The following PLEKHH1 variants were observed in gnomAD, a reference collection of about 807,000 sequenced individuals.
PLEKHH1 encodes pleckstrin homology domain-containing family H member 1.
A neutral mutation model predicts 160.0 loss-of-function variants in PLEKHH1; 104 were observed. That is an observed-to-expected ratio of 0.65 (90% CI 0.55 to 0.76). The LOEUF (loss-of-function observed/expected upper bound fraction) is 0.76. Ranked by LOEUF, PLEKHH1 falls within the 30% of genes least tolerant of loss-of-function variation. The pLI is 0.00. For missense variants in PLEKHH1, 1,427 were observed against 1,724.1 expected (o/e 0.83, Z 3.05); for synonymous variants, 619 against 678.4 (o/e 0.91, Z 1.36).
At chr14:67,565,487 C>G (rs1228009621) in intron 7 of PLEKHH1, among the ~76,000 whole-genome samples, 1 of 152,100 alleles carries the variant, frequency 6.6e-6, no homozygotes, top group Non-Finnish European at 1.5e-5. Context: ...TCAAGTGATC[C>G]TCCTTTGTCA....
At chr14:67,572,353 T>G in intron 11 of PLEKHH1, 76 bp downstream of exon 11, 1 of 1,330,888 alleles carries the variant, frequency 7.5e-7, no homozygotes, top group Non-Finnish European at 1.0e-6. Context: ...GCACAAGACA[T>G]AGGCAGTAGC....
chr14:67,540,500 G>A (rs992299984), intron 1 of PLEKHH1, among the ~76,000 whole-genome samples: 3 of 151,712 alleles, frequency 2.0e-5, no homozygotes, highest in South Asian at 2.1e-4. Context: ...GATGGTGCAC[G>A]CCTGTAATCC....
rs772122160 is a variant in PLEKHH1 at position 67,587,079 on chromosome 14, A to G, written c.3939A>G (p.Ala1313=). ...LIFRMAAPKI[A]EATFIMASYM... Reference sequence around the variant, plus strand: ...CATCTCTGACCTCCTCTTAGATTGCAGAAGCTACCTTCATCATGGCCAGCT... The same window carrying G: ...CATCTCTGACCTCCTCTTAGATTGCGGAAGCTACCTTCATCATGGCCAGCT... The change falls in exon 29 of 29, where the codon GCA becomes GCG. Residue 1313 remains alanine, a synonymous_variant. Coordinates refer to ENST00000329153, the MANE Select transcript of PLEKHH1 (RefSeq NM_020715.3). The G allele has an allele frequency of 2.1e-5, 34 of 1,602,608 alleles. No individual in the cohort carries two copies. The South Asian group carries it at 3.5e-4, about 16-fold the overall frequency.
At chr14:67,567,462 T>TG (rs1322590823) in intron 7 of PLEKHH1, among the ~76,000 whole-genome samples, 1 of 152,216 alleles carries the variant, frequency 6.6e-6, no homozygotes, top group African/African-American at 2.4e-5. Context: ...GGCTTGTCCT[T>TG]GGTTAAATTC....
intron 4 of PLEKHH1, among the ~76,000 whole-genome samples, chr14:67,557,638 AG>A (rs1313708724): frequency 2.6e-5 from 4 of 152,236 alleles, no homozygotes; most frequent in African/African-American, 9.6e-5. Flanking sequence ...AGGAGCTTGG[AG>A]GCAGACTGAT....
chr14:67,586,703 A>C, intron 28 of PLEKHH1: 1 of 748,334 alleles, frequency 1.3e-6, no homozygotes, highest in Non-Finnish European at 1.9e-6. Flanking sequence ...CTCCTTTTTA[A>C]TCCTAAAGTT....
chr14:67,574,032 C>T lies in PLEKHH1; in HGVS notation c.1926+145C>T. 1 of 712,732 alleles carries T rather than the reference C, an allele frequency of 1.4e-6. No individual in the cohort carries two copies. Among genetic ancestry groups the T allele is most frequent in the African/African-American group, 1.8e-5 (1 of 56,242 alleles). The allele number at this position is 712,732 out of a possible 1,614,324, so 44.2% of individuals were successfully genotyped here. A position where few individuals can be genotyped will look rare whatever the true frequency, so the allele number is the denominator to read the frequency against. On this transcript the variant is annotated intron_variant, in intron 13 of 28. Coordinates refer to ENST00000329153, the MANE Select transcript of PLEKHH1 (RefSeq NM_020715.3). The surrounding 1 kb of genome is among the most constrained non-coding windows in gnomAD (Gnocchi z 4.2). Reference sequence around the variant, plus strand: ...TGGACGTGATCCTAACTTGTGAGTACAAGAAAGGAAGATGAGACAGAATAT... The same window carrying T: ...TGGACGTGATCCTAACTTGTGAGTATAAGAAAGGAAGATGAGACAGAATAT...
rs139119194 is a variant in PLEKHH1 at position 67,580,110 on chromosome 14, G to A, written c.3183+234G>A. The stretch of plus-strand genomic sequence containing the variant: ...AGATCGCTACACACCTACTTCCCTC[G>A]AGTGGCTGTGCAGCGTCCAGAAGAA... On this transcript the variant is annotated intron_variant, in intron 22 of 28. Coordinates refer to ENST00000329153, the MANE Select transcript of PLEKHH1 (RefSeq NM_020715.3). The A allele has an allele frequency of 3.4e-4, 163 of 486,462 alleles. 1 individual carries two copies. The highest frequency in any genetic ancestry group is 1.7e-3 in the Middle Eastern group (3 of 1,760). 30.1% of individuals were successfully genotyped at this position (486,462 alleles called of 1,614,324 possible). A position where few individuals can be genotyped will look rare whatever the true frequency, so the allele number is the denominator to read the frequency against.
intron 18 of PLEKHH1, 68 bp downstream of exon 18, chr14:67,577,482 C>A: frequency 1.0e-6 from 1 of 985,554 alleles, no homozygotes; most frequent in Non-Finnish European, 1.6e-6. Flanking sequence ...AAGGCCTGTG[C>A]AGTTGGGGAC....
chr14:67,570,089 G>A, intron 9 of PLEKHH1, 77 bp downstream of exon 9: 2 of 1,014,318 alleles, frequency 2.0e-6, no homozygotes, highest in Non-Finnish European at 3.0e-6. Flanking sequence ...ACTGGGGCGG[G>A]GCTCTAGGGC....
chr14:67,579,036 TAC>T, intron 20 of PLEKHH1, 96 bp from the exon 21 acceptor site: 1 of 798,158 alleles, frequency 1.3e-6, no homozygotes, highest in Non-Finnish European at 2.0e-6. Flanking sequence ...CTGCCCCAGC[TAC>T]AGTTTTGGTC....
intron 27 of PLEKHH1, 87 bp downstream of exon 27, chr14:67,585,741 C>A: frequency 2.6e-6 from 3 of 1,140,678 alleles, no homozygotes; most frequent in South Asian, 1.4e-5. Context: ...AAGCCTGAAC[C>A]AAGTGACCAT....
In PLEKHH1 at chr14:67,586,750, C is replaced by A. The variant is rs533770334; in HGVS notation, c.3934-324C>A. 28 of 1,263,142 alleles carry A rather than the reference C, an allele frequency of 2.2e-5. No homozygotes were observed. The African/African-American group carries it at 4.1e-4, about 19-fold the overall frequency. The allele number at this position is 1,263,142 out of a possible 1,614,324, so 78.2% of individuals were successfully genotyped here. ...AACCTACTCCTCCTTTAATACCACC[C>A]CTGCTAAAGGGGAGGATCTCCAGAT... On this transcript the variant is annotated intron_variant, in intron 28 of 28. Transcript: ENST00000329153.
intron 2 of PLEKHH1, among the ~76,000 whole-genome samples, chr14:67,546,299 A>G (rs2034175891): frequency 6.6e-6 from 1 of 152,220 alleles, no homozygotes; most frequent in South Asian, 2.1e-4. Flanking sequence ...GACAAAAATT[A>G]AGGGTTGACG....
chr14:67,572,787 C>T (rs1355178287), intron 11 of PLEKHH1, among the ~76,000 whole-genome samples: 1 of 152,194 alleles, frequency 6.6e-6, no homozygotes, highest in East Asian at 1.9e-4. Flanking sequence ...CGCCCCACAC[C>T]TCTCTGCTGC....
At chr14:67,577,192 A>C in intron 17 of PLEKHH1, 110 bp from the exon 18 acceptor site, 1 of 734,506 alleles carries the variant, frequency 1.4e-6, no homozygotes, top group Non-Finnish European at 2.3e-6. Context: ...CCAAGTGTTG[A>C]CGGAAGATAA....
rs1294748654 is a variant in PLEKHH1 at position 67,579,703 on chromosome 14, A to G, written c.3028-18A>G. The stretch of plus-strand genomic sequence containing the variant: ...CTCAGGAGGTTCACTCAGGGTTGGA[A>G]CTCTTCTCCCGCCTCAGGTGGTTGG... On this transcript the variant is annotated intron_variant, in intron 21 of 28. Coordinates refer to ENST00000329153, the MANE Select transcript of PLEKHH1 (RefSeq NM_020715.3). 3 of 1,609,676 alleles carry G rather than the reference A, an allele frequency of 1.9e-6. No homozygotes were observed. Among genetic ancestry groups the G allele is most frequent in the African/African-American group, 2.7e-5 (2 of 74,982 alleles).
chr14:67,576,041 G>A lies in PLEKHH1; in HGVS notation c.2352+36G>A. ...GGGCTGGGCCTCCAGGGCCAAGCTTGGACCTGTGATTCTGATCTTCCCTTC... is the reference window on the plus strand; with the variant it reads ...GGGCTGGGCCTCCAGGGCCAAGCTTAGACCTGTGATTCTGATCTTCCCTTC... On this transcript the variant is annotated intron_variant, in intron 16 of 28. Transcript: ENST00000329153. This position sits in a 1 kb window ranked among gnomAD's most constrained non-coding sequence, Gnocchi z 4.0. The A allele has an allele frequency of 6.6e-7, 1 of 1,509,198 alleles. No individual in the cohort carries two copies. The allele number at this position is 1,509,198 out of a possible 1,614,324, so 93.5% of individuals were successfully genotyped here.
At chr14:67,571,023 C>G (rs1258130605) in intron 9 of PLEKHH1, 1 of 152,306 alleles carries the variant, frequency 6.6e-6, no homozygotes, top group African/African-American at 2.4e-5. Context: ...TGCCTGGCCC[C>G]TACCTCCTCC....
Sources: allele counts gnomAD v4.1 joint callset (sites outside exome capture counted in the v4.1 genomes callset), GRCh38; gene constraint gnomAD v4.1.1; non-coding constraint Gnocchi (gnomAD v3.1); transcripts MANE v1.5; gene names NCBI Gene and HGNC (gene_info 2026-07-23, HGNC 2026-07-21).